The following MAPRE2 variants were observed in gnomAD, a reference collection of about 807,000 sequenced individuals.
MAPRE2 encodes the protein microtubule associated protein RP/EB family member 2.
A neutral mutation model predicts 43.2 loss-of-function variants in MAPRE2; 13 were observed. The ratio of observed to expected loss-of-function variants is 0.30; its 90% confidence interval spans 0.20 to 0.48. The LOEUF (loss-of-function observed/expected upper bound fraction) is 0.48. Ranked by LOEUF, MAPRE2 falls within the 20% of genes least tolerant of loss-of-function variation. The pLI, the probability that MAPRE2 is intolerant of heterozygous loss-of-function variation, is 0.99. For synonymous variants in MAPRE2, 135 were observed against 148.8 expected, an observed-to-expected ratio of 0.91 and a Z score of 0.68; for missense variants, 161 against 400.2, an observed-to-expected ratio of 0.40 and a Z score of 5.10.
chr18:35,132,411 G>A (rs1910198301), intron 6 of MAPRE2, among the ~76,000 whole-genome samples: 1 of 152,230 alleles, frequency 6.6e-6, no homozygotes, highest in South Asian at 2.1e-4. Context: ...GGAAGAGACA[G>A]GTGGGGTGGG....
At chr18:35,005,094 A>G (rs905330056) in intron 1 of MAPRE2, among the ~76,000 whole-genome samples, 3 of 152,304 alleles carry the variant, frequency 2.0e-5, no homozygotes, top group African/African-American at 7.2e-5. Flanking sequence ...GGAATTCAGT[A>G]CTTTAATTGA....
At chr18:34,993,792 C>A (rs1037077611) in intron 1 of MAPRE2, among the ~76,000 whole-genome samples, 1 of 152,148 alleles carries the variant, frequency 6.6e-6, no homozygotes, top group African/African-American at 2.4e-5. Flanking sequence ...GTGTTCTACC[C>A]ATTTTGAATG....
At chr18:34,997,330 G>A (rs2097027009) in intron 1 of MAPRE2, among the ~76,000 whole-genome samples, 2 of 152,100 alleles carry the variant, frequency 1.3e-5, no homozygotes, top group Admixed American at 1.3e-4. Flanking sequence ...GCATCCTTAG[G>A]GGATACAAAG....
chr18:35,031,327 C>G (rs772606270), intron 2 of MAPRE2, among the ~76,000 whole-genome samples: 1 of 152,154 alleles, frequency 6.6e-6, no homozygotes, highest in Non-Finnish European at 1.5e-5. Flanking sequence ...CTTAATGAAG[C>G]TTTTCTAGTG....
rs1248526109 is a variant in MAPRE2 at position 35,024,494 on chromosome 18, T to TTTCAG, written c.-8+18945_-8+18949dup. On this transcript the variant is annotated intron_variant, in intron 2 of 7. Transcript: ENST00000413393. The stretch of plus-strand genomic sequence containing the variant: ...AAAGCATTTTATGCAAATGAACCTA[T>TTTCAG]TTCAGTTCTATTGATAACGATATAA... 1.0e-3 allele frequency among the ~76,000 whole-genome samples: 156 copies of TTTCAG among 152,368 alleles called. 1 individual carries two copies. The highest frequency in any genetic ancestry group is 1.9e-3 in the South Asian group (9 of 4,832).
intron 4 of MAPRE2, among the ~76,000 whole-genome samples, chr18:35,112,478 G>C (rs940597621): frequency 6.6e-6 from 1 of 152,040 alleles, no homozygotes; most frequent in East Asian, 1.9e-4. Flanking sequence ...GCAGAACATT[G>C]TTTCTTTTAC....
upstream of MAPRE2, among the ~76,000 whole-genome samples, chr18:35,039,765 T>G (rs2097052595): frequency 6.6e-6 from 1 of 152,234 alleles, no homozygotes. Flanking sequence ...CACAAAATGA[T>G]AAAGCTGATA....
chr18:34,999,321 G>T (rs1357787719), intron 1 of MAPRE2, among the ~76,000 whole-genome samples: 4 of 152,154 alleles, frequency 2.6e-5, no homozygotes, highest in Non-Finnish European at 5.9e-5. Context: ...TCCCATATAT[G>T]TAGTTTTGTC....
At chr18:34,990,064 AG>A (rs1415797358) in intron 1 of MAPRE2, among the ~76,000 whole-genome samples, 3 of 152,214 alleles carry the variant, frequency 2.0e-5, no homozygotes, top group African/African-American at 7.2e-5. Context: ...GCTTGACACA[AG>A]ATTTTAACTT....
chr18:35,046,075 T>G (rs1446033861), intron 1 of MAPRE2, among the ~76,000 whole-genome samples: 1 of 152,228 alleles, frequency 6.6e-6, no homozygotes, highest in East Asian at 1.9e-4. Flanking sequence ...TTGATTTCCT[T>G]ATGCAGCATC....
intron 2 of MAPRE2, among the ~76,000 whole-genome samples, chr18:35,081,635 G>A (rs1173852934): frequency 6.6e-6 from 1 of 152,126 alleles, no homozygotes; most frequent in South Asian, 2.1e-4. Context: ...CCATAAGTAT[G>A]GAGTTCTCAC....
At chr18:35,026,344 TA>T (rs1457420233) in intron 2 of MAPRE2, among the ~76,000 whole-genome samples, 1 of 152,190 alleles carries the variant, frequency 6.6e-6, no homozygotes, top group Non-Finnish European at 1.5e-5. Context: ...GCTTCCTCAT[TA>T]AATGTACTGT....
intron 2 of MAPRE2, among the ~76,000 whole-genome samples, chr18:35,087,065 A>T (rs1344710286): frequency 6.6e-6 from 1 of 152,142 alleles, no homozygotes; most frequent in African/African-American, 2.4e-5. Context: ...TTATAGACTT[A>T]AATCATACAC....
At chr18:35,053,584 C>A (rs1413494331) in intron 1 of MAPRE2, among the ~76,000 whole-genome samples, 2 of 151,830 alleles carry the variant, frequency 1.3e-5, no homozygotes, top group Non-Finnish European at 2.9e-5. Flanking sequence ...TGGAGAAGAA[C>A]CCTATAATTA....
chr18:34,981,267 G>A (rs1376185509), intron 1 of MAPRE2, among the ~76,000 whole-genome samples: 4 of 151,862 alleles, frequency 2.6e-5, no homozygotes, highest in Non-Finnish European at 4.4e-5. Context: ...CCAGCTACTC[G>A]GGAGGCTGAG....
chr18:35,095,193 G>A (rs964922995), intron 2 of MAPRE2, among the ~76,000 whole-genome samples: 4 of 151,956 alleles, frequency 2.6e-5, no homozygotes, highest in Non-Finnish European at 5.9e-5. Context: ...TTCTTGGTTC[G>A]AGAAAGTTGA....
At chr18:34,987,036 A>G (rs1214950247) in intron 1 of MAPRE2, among the ~76,000 whole-genome samples, 1 of 152,180 alleles carries the variant, frequency 6.6e-6, no homozygotes, top group Non-Finnish European at 1.5e-5. Context: ...TACTCAAGGA[A>G]AAAAAGCCAT....
At chr18:35,090,390 C>T (rs1399886095) in intron 2 of MAPRE2, among the ~76,000 whole-genome samples, 1 of 152,040 alleles carries the variant, frequency 6.6e-6, no homozygotes, top group Non-Finnish European at 1.5e-5. Context: ...AAGTCCTAGC[C>T]AGAGTAATTA....
intron 1 of MAPRE2, among the ~76,000 whole-genome samples, chr18:35,004,136 T>G (rs2097030649): frequency 6.6e-6 from 1 of 152,194 alleles, no homozygotes; most frequent in Admixed American, 6.5e-5. Context: ...TTTTTCACCT[T>G]TTTTTAACTA....
Sources: allele counts gnomAD v4.1 joint callset (sites outside exome capture counted in the v4.1 genomes callset), GRCh38; gene constraint gnomAD v4.1.1; transcripts MANE v1.5; gene names NCBI Gene and HGNC (gene_info 2026-07-23, HGNC 2026-07-21).